Variants in BCAS1 observed in about 807,000 individuals in gnomAD.
BCAS1 encodes the protein brain enriched myelin associated protein 1, also known as breast carcinoma-amplified sequence 1.
In BCAS1, 46 loss-of-function variants were observed where a neutral mutation model predicts 65.4. The observed-to-expected ratio is 0.70, with a 90% CI of 0.55 to 0.90. BCAS1 has a LOEUF of 0.90. BCAS1 is among the 40% of genes least tolerant of loss of function. BCAS1 has a pLI of 0.00. For synonymous variants in BCAS1, 298 were observed against 293.5 expected (o/e 1.02, Z -0.16); for missense variants, 793 against 771.2 (o/e 1.03, Z -0.33).
intron 4 of BCAS1, among the ~76,000 whole-genome samples, chr20:54,004,763 CCAAATCCTAACCCT>C (rs1231772359): frequency 1.3e-5 from 2 of 152,062 alleles, no homozygotes; most frequent in Non-Finnish European, 2.9e-5. Flanking sequence ...TTGTGTCTCC[CCAAATCCTAACCCT>C]CAATGTGACT....
intron 9 of BCAS1, 33 bp downstream of exon 9, chr20:53,975,356 T>C: frequency 6.3e-7 from 1 of 1,599,280 alleles, no homozygotes; most frequent in East Asian, 2.2e-5. Context: ...AAGATGAGAA[T>C]GGAATGATTC....
intron 3 of BCAS1, among the ~76,000 whole-genome samples, chr20:54,057,295 T>C (rs879823186): frequency 3.9e-5 from 6 of 152,226 alleles, no homozygotes; most frequent in Non-Finnish European, 8.8e-5. Context: ...AAAAGGAATA[T>C]ATGAAATATC....
chr20:54,001,524 G>A (rs996080169), intron 4 of BCAS1, among the ~76,000 whole-genome samples: 3 of 152,112 alleles, frequency 2.0e-5, no homozygotes, highest in African/African-American at 7.2e-5. Flanking sequence ...TAATATTGGT[G>A]TTTGAGATAT....
intron 1 of BCAS1, among the ~76,000 whole-genome samples, chr20:54,065,539 G>C (rs546589691): frequency 2.6e-5 from 4 of 152,192 alleles, no homozygotes; most frequent in African/African-American, 9.7e-5. Context: ...GCCAAGGACC[G>C]CCCCCTTCCC....
chr20:54,008,916 C>T (rs1244120122), intron 4 of BCAS1, among the ~76,000 whole-genome samples: 1 of 151,962 alleles, frequency 6.6e-6, no homozygotes, highest in Non-Finnish European at 1.5e-5. Flanking sequence ...CGGGTTCAAG[C>T]AATTCTCCTG....
At chr20:53,966,782 T>G in intron 10 of BCAS1, 124 bp downstream of exon 10, 1 of 896,698 alleles carries the variant, frequency 1.1e-6, no homozygotes, top group Non-Finnish European at 1.7e-6. Flanking sequence ...GCAATCCATA[T>G]TCCATTCACA....
intron 4 of BCAS1, among the ~76,000 whole-genome samples, chr20:54,011,942 T>C (rs553673601): frequency 6.6e-6 from 1 of 152,222 alleles, no homozygotes; most frequent in Admixed American, 6.5e-5. Flanking sequence ...TGAAGAATTA[T>C]ATTCACACAA....
chr20:54,061,745 G>A (rs1249670419), intron 1 of BCAS1, among the ~76,000 whole-genome samples: 6 of 152,190 alleles, frequency 3.9e-5, no homozygotes, highest in Non-Finnish European at 7.3e-5. Context: ...GTTAAAACAT[G>A]TAGGACACTT....
At chr20:54,051,876 T>C (rs1270461814) in intron 3 of BCAS1, among the ~76,000 whole-genome samples, 1 of 151,990 alleles carries the variant, frequency 6.6e-6, no homozygotes, top group East Asian at 1.9e-4. Context: ...GTAGCTGGGA[T>C]TACAGACGTG....
rs546078606 is a variant in BCAS1, at chr20:53,965,722, AT to A, written c.1485+1183del. 1.2e-4 allele frequency among the ~76,000 whole-genome samples: 18 copies of A among 152,300 alleles called. 1 individual carries two copies. In the South Asian group the frequency reaches 3.5e-3, roughly 30 times the overall value. ...TTGTGTCACTCACGTCACCTTCAGA[AT>A]TTTTGCCATATCTTTATATAACTTG... On this transcript the variant is annotated intron_variant, in intron 10 of 12. Transcript: ENST00000688948.
intron 12 of BCAS1, among the ~76,000 whole-genome samples, chr20:53,946,438 G>T (rs1244646653): frequency 6.6e-6 from 1 of 151,736 alleles, no homozygotes; most frequent in Admixed American, 6.6e-5. Flanking sequence ...TGGATCAATT[G>T]TGGGCCTCCT....
Position 53,944,867 on chromosome 20 carries a change from T to C in BCAS1, c.*55A>G. ...GAGCGTGTTTGGGGAGGAGATGGAG[T>C]AAGGAGAACACATCTTGGTGGCAGG... On this transcript the variant is annotated 3_prime_UTR_variant, in exon 13 of 13. Coordinates refer to ENST00000688948, the MANE Select transcript of BCAS1 (RefSeq NM_001366298.2). The C allele has an allele frequency of 6.7e-7, 1 of 1,492,290 alleles. No homozygotes were observed. Among genetic ancestry groups the C allele is most frequent in the Non-Finnish European group, 9.4e-7 (1 of 1,069,474 alleles). 92.4% of individuals were successfully genotyped at this position (1,492,290 alleles called of 1,614,324 possible). A position where few individuals can be genotyped will look rare whatever the true frequency, so the allele number is the denominator to read the frequency against.
At chr20:54,002,884 C>T (rs2091091730) in intron 4 of BCAS1, among the ~76,000 whole-genome samples, 2 of 152,162 alleles carry the variant, frequency 1.3e-5, no homozygotes, top group Non-Finnish European at 2.9e-5. Context: ...CATCAGTACC[C>T]ATCATACTGA....
rs1376143844 is a variant in BCAS1, at chr20:54,028,421, C to T, written c.694G>A (p.Gly232Arg). Residue 232 changes from glycine to arginine, a missense_variant, in exon 4 of 13, where the codon GGG becomes AGG. Coordinates refer to ENST00000688948, the MANE Select transcript of BCAS1 (RefSeq NM_001366298.2). ...CCTGCAGGGACATCATCGGACTGCC[C>T]TGATAAGCCAGGAACCTCATCCACC... is the stretch of plus-strand genomic sequence containing the variant. The part of the protein sequence containing the change: ...DKVDEVPGLS[G>R]QSDDVPAGKD... 6.2e-7 allele frequency: 1 copy of T among 1,614,192 alleles called. No individual in the cohort carries two copies.
At chr20:54,003,287 G>C (rs1191794681) in intron 4 of BCAS1, among the ~76,000 whole-genome samples, 1 of 148,276 alleles carries the variant, frequency 6.7e-6, no homozygotes, top group Non-Finnish European at 1.5e-5. Flanking sequence ...TCCTGACACA[G>C]AGTAGATTCA....
chr20:54,064,275 G>T (rs1448420352), intron 1 of BCAS1, among the ~76,000 whole-genome samples: 1 of 152,232 alleles, frequency 6.6e-6, no homozygotes, highest in Non-Finnish European at 1.5e-5. Context: ...ATGGCTGAGA[G>T]CCCCTGTTTT....
Position 54,036,033 on chromosome 20 carries a change from C to A in BCAS1, c.143-7061G>T, listed in dbSNP as rs2091894148. On this transcript the variant is annotated intron_variant, in intron 3 of 12. Transcript: ENST00000688948. ...ACACATGGCCACACAGGGGGAACAACACACACTGGGGCCTATTGGAGGGTG... is the reference window on the plus strand; with the variant it reads ...ACACATGGCCACACAGGGGGAACAAAACACACTGGGGCCTATTGGAGGGTG... 2.6e-5 allele frequency among the ~76,000 whole-genome samples: 4 copies of A among 151,198 alleles called. 1 individual carries two copies. The highest frequency in any genetic ancestry group is 7.2e-5 in the African/African-American group (3 of 41,408).
At chr20:54,013,777 T>C (rs1253673698) in intron 4 of BCAS1, among the ~76,000 whole-genome samples, 1 of 152,220 alleles carries the variant, frequency 6.6e-6, no homozygotes, top group East Asian at 1.9e-4. Flanking sequence ...GGAAGCTCCC[T>C]ACAGATACAG....
In BCAS1 at chr20:53,985,503, A is replaced by C; in HGVS notation, c.1063-4T>G. 6.2e-7 allele frequency: 1 copy of C among 1,611,750 alleles called. No individual in the cohort carries two copies. Among genetic ancestry groups the C allele is most frequent in the Non-Finnish European group, 8.5e-7 (1 of 1,179,098 alleles). On this transcript the variant is annotated splice_region_variant and splice_polypyrimidine_tract_variant and intron_variant, in intron 7 of 12. Coordinates refer to ENST00000688948, the MANE Select transcript of BCAS1 (RefSeq NM_001366298.2). Reference sequence around the variant, plus strand: ...TGGTGGGTGACTTTTCAGCACCCTAAAGAGTTAAAAAAAATGGAGGGAAAA... The same window carrying C: ...TGGTGGGTGACTTTTCAGCACCCTACAGAGTTAAAAAAAATGGAGGGAAAA...
Sources: allele counts gnomAD v4.1 joint callset (sites outside exome capture counted in the v4.1 genomes callset), GRCh38; gene constraint gnomAD v4.1.1; transcripts MANE v1.5; gene names NCBI Gene and HGNC (gene_info 2026-07-23, HGNC 2026-07-21).